Variants in MGAT4C observed in about 807,000 individuals in gnomAD.
The protein encoded by MGAT4C is alpha-1,3-mannosyl-glycoprotein 4-beta-N-acetylglucosaminyltransferase C.
A neutral mutation model predicts 40.1 loss-of-function variants in MGAT4C; 19 were observed. The ratio of observed to expected loss-of-function variants is 0.47; its 90% CI spans 0.33 to 0.70. The LOEUF (loss-of-function observed/expected upper bound fraction) is 0.70. Among genes scored for constraint, MGAT4C ranks in the 30% least tolerant of loss-of-function variants. The pLI is 0.02. For synonymous variants in MGAT4C, 181 were observed against 187.1 expected (o/e 0.97, Z 0.27); for missense variants, 491 against 563.2 (o/e 0.87, Z 1.30).
At chr12:86,715,436 T>C (rs1950629172) in intron 2 of MGAT4C, among the ~76,000 whole-genome samples, 1 of 152,106 alleles carries the variant, frequency 6.6e-6, no homozygotes, top group Non-Finnish European at 1.5e-5. Context: ...TGGGTGCTGA[T>C]TATATTATTG....
At chr12:86,634,837 A>G (rs1238375790) in intron 2 of MGAT4C, among the ~76,000 whole-genome samples, 1 of 152,092 alleles carries the variant, frequency 6.6e-6, no homozygotes, top group Non-Finnish European at 1.5e-5. Flanking sequence ...TCTTTACCAT[A>G]TTCTCTTGAC....
chr12:86,607,346 A>G (rs78941479), intron 2 of MGAT4C, among the ~76,000 whole-genome samples: 18,005 of 152,076 alleles, frequency 0.12, 1,757 homozygotes, highest in African/African-American at 0.27. Flanking sequence ...ATAGTGCTCA[A>G]TGTTAGTACT....
At chr12:86,384,628 T>C (rs1312977634) in intron 3 of MGAT4C, among the ~76,000 whole-genome samples, 1 of 152,260 alleles carries the variant, frequency 6.6e-6, no homozygotes, top group East Asian at 1.9e-4. Context: ...GAATAACCTT[T>C]ATTTGTTTTC....
intron 2 of MGAT4C, among the ~76,000 whole-genome samples, chr12:86,549,648 G>A (rs1203758474): frequency 6.6e-6 from 1 of 152,104 alleles, no homozygotes; most frequent in Non-Finnish European, 1.5e-5. Flanking sequence ...TTATTTTGTG[G>A]GTAGCTGAGT....
chr12:86,376,570 T>C (rs1565715686), intron 3 of MGAT4C, among the ~76,000 whole-genome samples: 1 of 152,134 alleles, frequency 6.6e-6, no homozygotes, highest in African/African-American at 2.4e-5. Flanking sequence ...AGAGGCTTTA[T>C]TATTTATGGT....
At chr12:86,290,896 A>G (rs1953494217) in intron 4 of MGAT4C, among the ~76,000 whole-genome samples, 1 of 152,182 alleles carries the variant, frequency 6.6e-6, no homozygotes, top group Non-Finnish European at 1.5e-5. Flanking sequence ...GAAAGAGATG[A>G]GCTCAGAAAA....
At chr12:86,823,372 C>T (rs1952739783) in intron 1 of MGAT4C, among the ~76,000 whole-genome samples, 1 of 151,006 alleles carries the variant, frequency 6.6e-6, no homozygotes, top group South Asian at 2.1e-4. Context: ...CTGGCACATA[C>T]TTAGATTTAA....
At position 85,965,859 on chromosome 12, in the gene MGAT4C, C is replaced by T. The variant is rs1883338227; in HGVS notation, c.*13430G>A. The T allele has an allele frequency of 6.6e-6, 1 of 151,952 alleles. No homozygotes were observed. Among genetic ancestry groups the T allele is most frequent in the Admixed American group, 6.6e-5 (1 of 15,232 alleles). 9.4% of individuals were successfully genotyped at this position (151,952 alleles called of 1,614,324 possible). On this transcript the variant is annotated 3_prime_UTR_variant, in exon 5 of 5. Coordinates refer to ENST00000611864, the MANE Select transcript of MGAT4C (RefSeq NM_001351288.2). ...ATTTTTTTACTTATCTGTATTATTT[C>T]TCCATTTAAAAGTGGACAAATTTTT...
chr12:86,700,854 A>G (rs1417724214), intron 2 of MGAT4C, among the ~76,000 whole-genome samples: 1 of 152,172 alleles, frequency 6.6e-6, no homozygotes, highest in African/African-American at 2.4e-5. Context: ...AAATAGTATT[A>G]CATTTCTTTT....
chr12:86,022,023 GT>G (rs1344930051), intron 2 of MGAT4C, among the ~76,000 whole-genome samples: 1 of 152,014 alleles, frequency 6.6e-6, no homozygotes, highest in Admixed American at 6.6e-5. Flanking sequence ...TTTAAGTGTT[GT>G]TTTTCTTAAG....
chr12:86,121,729 C>T (rs530316531), intron 1 of MGAT4C, among the ~76,000 whole-genome samples: 1 of 152,326 alleles, frequency 6.6e-6, no homozygotes, highest in East Asian at 1.9e-4. Flanking sequence ...GCCTGCCTTA[C>T]AAAAGCTCCT....
At chr12:86,360,670 C>G (rs968190546) in intron 3 of MGAT4C, among the ~76,000 whole-genome samples, 2 of 152,164 alleles carry the variant, frequency 1.3e-5, no homozygotes, top group Non-Finnish European at 2.9e-5. Context: ...GCAAAAATCA[C>G]AAACATTCCT....
At chr12:86,528,097 CATAAT>C (rs1392799382) in intron 2 of MGAT4C, among the ~76,000 whole-genome samples, 1 of 152,110 alleles carries the variant, frequency 6.6e-6, no homozygotes, top group Non-Finnish European at 1.5e-5. Flanking sequence ...CATGATCTCA[CATAAT>C]ATAATTTCAT....
intron 1 of MGAT4C, among the ~76,000 whole-genome samples, chr12:86,175,674 G>T (rs991027844): frequency 6.6e-6 from 1 of 151,774 alleles, no homozygotes; most frequent in Non-Finnish European, 1.5e-5. Flanking sequence ...AATTTTGGCT[G>T]GGTGCGGTGG....
intron 2 of MGAT4C, among the ~76,000 whole-genome samples, chr12:86,586,796 T>A (rs1320907747): frequency 1.3e-5 from 2 of 151,284 alleles, no homozygotes; most frequent in Admixed American, 1.3e-4. Flanking sequence ...TTTGATGGGG[T>A]TGTTTGTTTT....
chr12:86,181,943 T>C (rs955284665), intron 1 of MGAT4C, among the ~76,000 whole-genome samples: 1 of 152,080 alleles, frequency 6.6e-6, no homozygotes, highest in Admixed American at 6.6e-5. Context: ...TTGAGTTAGA[T>C]CATTTCCTCT....
intron 2 of MGAT4C, among the ~76,000 whole-genome samples, chr12:86,441,061 A>G (rs1957218191): frequency 6.6e-6 from 1 of 152,172 alleles, no homozygotes; most frequent in African/African-American, 2.4e-5. Flanking sequence ...TACAGATTCA[A>G]TACAATTTAT....
At chr12:86,003,394 G>A (rs73392045) in intron 2 of MGAT4C, among the ~76,000 whole-genome samples, 12,756 of 151,970 alleles carry the variant, frequency 0.084, 1,186 homozygotes, top group African/African-American at 0.23. Context: ...TTATCAGTTC[G>A]ACCTTAGAAT....
rs1366466171 is a variant in MGAT4C, at chr12:86,589,184, A to G, written c.-229+138025T>C. On this transcript the variant is annotated intron_variant, in intron 2 of 7. Coordinates refer to the MGAT4C transcript ENST00000548651. ...GACTAATAAAGAAAAAAAGAGAGAA[A>G]AATCAAATAGACGCAATAAAAAATG... 7.0e-4 allele frequency among the ~76,000 whole-genome samples: 106 copies of G among 152,002 alleles called. 1 individual carries two copies. The highest frequency in any genetic ancestry group is 2.5e-3 in the African/African-American group (103 of 41,494).
Sources: gnomAD v4.1 joint callset for allele counts (sites outside exome capture counted in the v4.1 genomes callset) on GRCh38, gnomAD v4.1.1 for gene constraint, MANE v1.5 for transcripts, NCBI Gene and HGNC (gene_info 2026-07-23, HGNC 2026-07-21) for gene names.